The following PTPRU variants were observed in gnomAD, a reference collection of about 807,000 sequenced individuals.
PTPRU encodes the protein receptor-type tyrosine-protein phosphatase U.
PTPRU carries 69 observed loss-of-function variants against 166.3 expected under a neutral mutation model. The ratio of observed to expected loss-of-function variants is 0.41; its 90% CI spans 0.34 to 0.51. The LOEUF (loss-of-function observed/expected upper bound fraction) is 0.51, where lower values mean the gene tolerates loss of function less well. Ranked by LOEUF, PTPRU falls within the 20% of genes least tolerant of loss-of-function variation. PTPRU has a pLI of 0.09. For synonymous variants in PTPRU, 793 were observed against 814.0 expected (o/e 0.97, Z 0.44); for missense variants, 1,657 against 2,013.7 (o/e 0.82, Z 3.39).
rs1249837190 is a variant in PTPRU, at chr1:29,257,415, C to A, written c.206-1090C>A. On this transcript the variant is annotated intron_variant, in intron 2 of 29. Transcript: ENST00000373779. The surrounding 1 kb of genome is among the most constrained non-coding windows in gnomAD (Gnocchi z 4.6). Reference sequence around the variant, plus strand: ...GAGTCCCTGGGGAGCCCTCCTGGAGCGGGGATCTGAGTGAGCTTGTGTTGG... The same window carrying A: ...GAGTCCCTGGGGAGCCCTCCTGGAGAGGGGATCTGAGTGAGCTTGTGTTGG... 6.6e-6 allele frequency among the ~76,000 whole-genome samples: 1 copy of A among 152,046 alleles called. No homozygotes were observed. The highest frequency in any genetic ancestry group is 6.5e-5 in the Admixed American group (1 of 15,272).
chr1:29,322,413 C>T lies in PTPRU; in HGVS notation c.3829-958C>T, dbSNP rs150670692. Among the ~76,000 whole-genome samples, 475 of 152,222 alleles carry T rather than the reference C, an allele frequency of 3.1e-3. 6 individuals are homozygous for T. The South Asian group carries it at 0.052, about 17-fold the overall frequency. ...GAGCTGGCACAGGGACAGAGAAGTC[C>T]GGGGGATCATGTATCGGCGATGGCT... On this transcript the variant is annotated intron_variant, in intron 26 of 29. Transcript: ENST00000373779.
At chr1:29,293,025 G>A (rs1310752170) in intron 15 of PTPRU, among the ~76,000 whole-genome samples, 1 of 152,114 alleles carries the variant, frequency 6.6e-6, no homozygotes, top group East Asian at 1.9e-4. Flanking sequence ...TGTTGCCCAG[G>A]CTGGAGTGCA....
In PTPRU at chr1:29,312,658, T is replaced by G; in HGVS notation, c.3179T>G (p.Val1060Gly). ...GGGCTGCTGGCTTTCATCCGGCGCG[T>G]GAAGGCCTCCACCCCACCTGATGCC... ...ATGLLAFIRRVKASTPPDAGP... is the reference protein window; with the variant it reads ...ATGLLAFIRRGKASTPPDAGP... The change falls in exon 22 of 30, where the codon GTG (valine) becomes GGG (glycine). Residue 1060 changes from valine to glycine, a missense_variant. Transcript: ENST00000373779. The G allele has an allele frequency of 6.2e-7, 1 of 1,611,574 alleles. No individual in the cohort carries two copies. Among genetic ancestry groups the G allele is most frequent in the Non-Finnish European group, 8.5e-7 (1 of 1,178,300 alleles).
Position 29,258,470 on chromosome 1 carries a change from T to G in PTPRU, c.206-35T>G, listed in dbSNP as rs778438336. On this transcript the variant is annotated intron_variant, in intron 2 of 29. Coordinates refer to ENST00000373779, the MANE Select transcript of PTPRU (RefSeq NM_133178.4). ...CTGGCCCTGTCCCTCCCCTGAGGTCTCCTCATCTCCTGCCTCTTCCTCCTC... is the reference window on the plus strand; with the variant it reads ...CTGGCCCTGTCCCTCCCCTGAGGTCGCCTCATCTCCTGCCTCTTCCTCCTC... The G allele has an allele frequency of 3.8e-6, 6 of 1,598,160 alleles. No individual in the cohort carries two copies. In the South Asian group the frequency reaches 6.8e-5, roughly 18 times the overall value.
intron 7 of PTPRU, among the ~76,000 whole-genome samples, chr1:29,263,744 T>C (rs1293487962): frequency 6.6e-6 from 1 of 152,248 alleles, no homozygotes; most frequent in African/African-American, 2.4e-5. Flanking sequence ...TGGCTAATGA[T>C]ATATCGAGCA....
rs763421785 is a variant in PTPRU, at chr1:29,312,652, G to A, written c.3173G>A (p.Arg1058Gln). 6.2e-6 allele frequency: 10 copies of A among 1,611,626 alleles called. No homozygotes were observed. The highest frequency in any genetic ancestry group is 8.5e-6 in the Non-Finnish European group (10 of 1,178,344). The change falls in exon 22 of 30, where the codon CGG becomes CAG. Residue 1058 changes from arginine (R) to glutamine (Q), a missense_variant. By Grantham distance (43) the Arg-to-Gln change is conservative. This residue lies in a region of PTPRU where 1,190 missense variants were observed against 1,477.4 expected (regional missense o/e 0.81). Coordinates refer to ENST00000373779, the MANE Select transcript of PTPRU (RefSeq NM_133178.4). The part of the protein sequence containing the change: ...YHATGLLAFI[R>Q]RVKASTPPDA... ...GCCACGGGGCTGCTGGCTTTCATCC[G>A]GCGCGTGAAGGCCTCCACCCCACCT... is the stretch of plus-strand genomic sequence containing the variant.
intron 15 of PTPRU, among the ~76,000 whole-genome samples, chr1:29,297,715 C>T (rs9426415): frequency 0.25 from 37,965 of 152,014 alleles, 5,994 homozygotes; most frequent in East Asian, 0.63. Flanking sequence ...CTGAGTCTTG[C>T]TGAGAGACAG....
chr1:29,325,088 C>A, intron 28 of PTPRU, 103 bp from the exon 29 acceptor site: 1 of 1,466,264 alleles, frequency 6.8e-7, no homozygotes, highest in Non-Finnish European at 9.4e-7. Context: ...CTAGCTCCGT[C>A]CCTCTCCTCT....
rs763409445 is a variant in PTPRU at position 29,259,481 on chromosome 1, G to A, written c.592G>A (p.Val198Met). 2.5e-6 allele frequency: 4 copies of A among 1,612,250 alleles called. No individual in the cohort carries two copies. In the South Asian group the frequency reaches 4.4e-5, roughly 18 times the overall value. ...KAPHFSRLGD[V>M]EVNAGQNASF... ...CCCACACTTCTCCCGCCTGGGCGAC[G>A]TGGAGGTCAACGCGGGCCAGAACGC... Residue 198 changes from valine to methionine, a missense_variant, in exon 5 of 30, where the codon GTG (valine) becomes ATG (methionine). This residue lies in a region of PTPRU where 453 missense variants were observed against 496.9 expected (regional missense o/e 0.91). Transcript: ENST00000373779.
At chr1:29,304,681 AC>A (rs1378302310) in intron 16 of PTPRU, 92 bp from the exon 17 acceptor site, 3 of 933,040 alleles carry the variant, frequency 3.2e-6, no homozygotes, top group Non-Finnish European at 3.2e-6. Context: ...TTATCATCCC[AC>A]CCCCATCCTG....
rs750041708 is a variant in PTPRU, at chr1:29,279,990, C to T, written c.1766-49C>T. 1.0e-5 allele frequency: 16 copies of T among 1,543,026 alleles called. No homozygotes were observed. The highest frequency in any genetic ancestry group is 2.2e-5 in the East Asian group (1 of 44,520). On this transcript the variant is annotated intron_variant, in intron 10 of 29. Transcript: ENST00000373779. The surrounding 1 kb of genome is among the most constrained non-coding windows in gnomAD (Gnocchi z 5.2). Reference sequence around the variant, plus strand: ...TCAAGGAGGCTGGAAGCCTGGTCTTCCTGGTCCAGTGGCCAAGCTCCAGCT... The same window carrying T: ...TCAAGGAGGCTGGAAGCCTGGTCTTTCTGGTCCAGTGGCCAAGCTCCAGCT...
chr1:29,312,684 G>T lies in PTPRU; in HGVS notation c.3205G>T (p.Gly1069Trp). Residue 1069 changes from glycine to tryptophan, a missense_variant, in exon 22 of 30, where the codon GGG becomes TGG. Physicochemically the swap from Gly to Trp is radical, Grantham distance 184. Transcript: ENST00000373779. Reference protein sequence around the residue: ...RVKASTPPDAGPIVIHCSAGT... With the variant: ...RVKASTPPDAWPIVIHCSAGT... ...GAAGGCCTCCACCCCACCTGATGCC[G>T]GGCCCATTGTCATCCACTGCAGGTG... is the stretch of plus-strand genomic sequence containing the variant. 6.2e-7 allele frequency: 1 copy of T among 1,608,198 alleles called. No homozygotes were observed. Among genetic ancestry groups the T allele is most frequent in the Non-Finnish European group, 8.5e-7 (1 of 1,175,776 alleles).
At chr1:29,298,276 CA>C (rs35978871) in intron 15 of PTPRU, among the ~76,000 whole-genome samples, 5,686 of 138,928 alleles carry the variant, frequency 0.041, 128 homozygotes, top group South Asian at 0.081. Context: ...AAAAAAAAGA[CA>C]AAAAAAAAAA....
rs138733986 is a variant in PTPRU at position 29,304,015 on chromosome 1, C to T, written c.2637C>T (p.Ala879=). 4.6e-4 allele frequency: 742 copies of T among 1,610,952 alleles called. 5 individuals are homozygous for T. The highest frequency in any genetic ancestry group is 2.0e-4 in the Middle Eastern group (1 of 4,930). The change falls in exon 16 of 30, where the codon GCC becomes GCT. Residue 879 remains alanine, a synonymous_variant. Coordinates refer to ENST00000373779, the MANE Select transcript of PTPRU (RefSeq NM_133178.4). ...LLQHINQMKT[A]EGYGFKQEYE... ...AGCACATCAACCAGATGAAGACGGC[C>T]GAGGGTTACGGCTTCAAGCAGGAGT...
At chr1:29,302,149 G>GTC (rs1687163208) in intron 15 of PTPRU, among the ~76,000 whole-genome samples, 1 of 140,732 alleles carries the variant, frequency 7.1e-6, no homozygotes, top group South Asian at 2.3e-4. Context: ...AGGCTAATGT[G>GTC]TATGTGTGTG....
chr1:29,259,674 TGC>T, intron 5 of PTPRU, 110 bp downstream of exon 5: 21 of 1,267,438 alleles, frequency 1.7e-5, no homozygotes, highest in Non-Finnish European at 2.1e-5. Context: ...ACTCCAGCAC[TGC>T]GCACAGCGTC....
intron 18 of PTPRU, among the ~76,000 whole-genome samples, chr1:29,307,518 C>A (rs1687447972): frequency 6.6e-6 from 1 of 152,246 alleles, no homozygotes; most frequent in African/African-American, 2.4e-5. Context: ...TCTACAGGAC[C>A]CTTTGGAGGG....
rs1328044154 is a variant in PTPRU at position 29,280,249 on chromosome 1, C to G, written c.1868+108C>G. On this transcript the variant is annotated intron_variant, in intron 11 of 29. Transcript: ENST00000373779. The surrounding 1 kb of genome is among the most constrained non-coding windows in gnomAD (Gnocchi z 4.2). The stretch of plus-strand genomic sequence containing the variant: ...CAGCTCACCCTTTTCCTCCCTCAGT[C>G]TCCCACGCAGGGCTTGGAGTGTCTG... 2.7e-6 allele frequency: 3 copies of G among 1,108,866 alleles called. No individual in the cohort carries two copies. The highest frequency in any genetic ancestry group is 1.3e-6 in the Non-Finnish European group (1 of 768,454). The allele number at this position is 1,108,866 out of a possible 1,614,324, so 68.7% of individuals were successfully genotyped here.
intron 28 of PTPRU, 52 bp from the exon 29 acceptor site, chr1:29,325,139 T>C (rs1688347678): frequency 6.2e-7 from 1 of 1,608,540 alleles, no homozygotes; most frequent in Non-Finnish European, 8.5e-7. Context: ...GGCCCTTTTC[T>C]TACCTTCAGG....
Sources: gnomAD v4.1 joint callset for allele counts (sites outside exome capture counted in the v4.1 genomes callset) on GRCh38, gnomAD v4.1.1 for gene constraint, gnomAD v4.1.1 regional missense constraint, Gnocchi (gnomAD v3.1) non-coding constraint, MANE v1.5 for transcripts, NCBI Gene and HGNC (gene_info 2026-07-23, HGNC 2026-07-21) for gene names.